NBEA: variants seen among roughly 807,000 people sequenced by gnomAD.
The protein encoded by NBEA is neurobeachin.
In NBEA, 44 loss-of-function variants were observed where a neutral mutation model predicts 343.4. The observed-to-expected ratio is 0.13, with a 90% CI of 0.10 to 0.16. NBEA has a LOEUF of 0.16. NBEA is among the 10% of genes least tolerant of loss of function. NBEA has a pLI of 1.00. For synonymous variants in NBEA, 1,175 were observed against 1,238.7 expected, an observed-to-expected ratio of 0.95 and a Z score of 1.08; for missense variants, 2,555 against 3,631.3, an observed-to-expected ratio of 0.70 and a Z score of 7.62.
At chr13:35,224,721 TC>T (rs1464892456) in intron 33 of NBEA, among the ~76,000 whole-genome samples, 21 of 152,200 alleles carry the variant, frequency 1.4e-4, no homozygotes. Context: ...ATTTTATAGT[TC>T]CAACATAGGG....
chr13:35,146,113 T>G (rs545010248), intron 18 of NBEA, among the ~76,000 whole-genome samples: 1 of 152,258 alleles, frequency 6.6e-6, no homozygotes, highest in African/African-American at 2.4e-5. Context: ...GAATCTTCTG[T>G]TTGTCTGATA....
chr13:34,950,008 G>A (rs1378771533), intron 1 of NBEA, among the ~76,000 whole-genome samples: 2 of 152,096 alleles, frequency 1.3e-5, no homozygotes, highest in Admixed American at 6.5e-5. Context: ...GATTTCTGAC[G>A]GTTTTGGCTG....
At chr13:35,604,506 C>T (rs548017916) in intron 47 of NBEA, among the ~76,000 whole-genome samples, 2 of 152,166 alleles carry the variant, frequency 1.3e-5, no homozygotes, top group East Asian at 3.9e-4. Context: ...TTGCCCTTCT[C>T]TCTTTCTCCT....
At chr13:35,118,721 A>C (rs1251389655) in intron 16 of NBEA, among the ~76,000 whole-genome samples, 2 of 152,216 alleles carry the variant, frequency 1.3e-5, no homozygotes, top group East Asian at 3.9e-4. Context: ...ACAAATTGTG[A>C]ATAGAGCATT....
At chr13:35,645,484 C>G (rs1036327785) in intron 49 of NBEA, among the ~76,000 whole-genome samples, 3 of 152,066 alleles carry the variant, frequency 2.0e-5, no homozygotes. Flanking sequence ...ACAGTCCAGA[C>G]AGTTTGAGGG....
At chr13:35,314,753 A>G (rs2152836024) in intron 36 of NBEA, among the ~76,000 whole-genome samples, 1 of 152,306 alleles carries the variant, frequency 6.6e-6, no homozygotes, top group South Asian at 2.1e-4. Context: ...AATAATATAT[A>G]TGATATTTAT....
At chr13:35,405,104 G>A (rs528238570) in intron 38 of NBEA, among the ~76,000 whole-genome samples, 1 of 152,202 alleles carries the variant, frequency 6.6e-6, no homozygotes, top group South Asian at 2.1e-4. Flanking sequence ...ATTAAAAATT[G>A]TTATGTTTGA....
intron 33 of NBEA, among the ~76,000 whole-genome samples, chr13:35,211,481 TA>T (rs2073767636): frequency 6.6e-6 from 1 of 152,156 alleles, no homozygotes; most frequent in Non-Finnish European, 1.5e-5. Context: ...GGTAACATGA[TA>T]AAATTGGGCA....
intron 10 of NBEA, among the ~76,000 whole-genome samples, chr13:35,089,592 T>C (rs2064966040): frequency 8.0e-6 from 1 of 124,254 alleles, no homozygotes; most frequent in Admixed American, 8.2e-5. Flanking sequence ...ATCATGCTGC[T>C]ATAAAGACAC....
chr13:35,588,543 C>T (rs1198250279), intron 46 of NBEA, among the ~76,000 whole-genome samples: 1 of 152,058 alleles, frequency 6.6e-6, no homozygotes, highest in Admixed American at 6.6e-5. Context: ...TAACTACATA[C>T]TTCATTACTT....
intron 34 of NBEA, among the ~76,000 whole-genome samples, chr13:35,281,661 A>T (rs1451881110): frequency 2.6e-5 from 4 of 152,072 alleles, no homozygotes; most frequent in Non-Finnish European, 5.9e-5. Flanking sequence ...ATTTTACATG[A>T]TATATTATTT....
intron 39 of NBEA, among the ~76,000 whole-genome samples, chr13:35,435,779 G>T (rs1328019455): frequency 1.3e-5 from 2 of 152,020 alleles, no homozygotes; most frequent in African/African-American, 2.4e-5. Context: ...GTAATATTAG[G>T]TATTAGTGGG....
intron 34 of NBEA, among the ~76,000 whole-genome samples, chr13:35,249,817 G>C (rs2031737303): frequency 6.6e-6 from 1 of 152,150 alleles, no homozygotes; most frequent in Admixed American, 6.5e-5. Context: ...TCAAGTCGTG[G>C]AAGCAACCCA....
intron 2 of NBEA, among the ~76,000 whole-genome samples, chr13:35,044,083 G>A (rs2062755787): frequency 1.3e-5 from 2 of 152,188 alleles, no homozygotes; most frequent in Admixed American, 1.3e-4. Context: ...GAGATTAAAT[G>A]TATAATTTTT....
chr13:35,662,680 T>C (rs140806695), intron 55 of NBEA, among the ~76,000 whole-genome samples: 179 of 152,262 alleles, frequency 1.2e-3, no homozygotes, highest in African/African-American at 4.1e-3. Context: ...AAAAATAAAA[T>C]ATTTTAAACT....
At chr13:35,480,814 TAGAG>T (rs1181409439) in intron 41 of NBEA, among the ~76,000 whole-genome samples, 5 of 152,070 alleles carry the variant, frequency 3.3e-5, no homozygotes, top group South Asian at 4.2e-4. Flanking sequence ...TAAAGTAAAA[TAGAG>T]AGAGTTTTTC....
At chr13:35,070,964 G>A in intron 10 of NBEA, 112 bp downstream of exon 10, 1 of 1,248,922 alleles carries the variant, frequency 8.0e-7, no homozygotes, top group South Asian at 3.0e-5. Context: ...TGCCCTTAAA[G>A]TGTAATAAAA....
intron 34 of NBEA, among the ~76,000 whole-genome samples, chr13:35,260,691 A>C (rs2033131378): frequency 6.6e-6 from 1 of 152,202 alleles, no homozygotes. Context: ...TGAGATGCAT[A>C]TGTAAAGGGC....
chr13:35,257,578 T>C (rs917111156), intron 34 of NBEA, among the ~76,000 whole-genome samples: 1 of 152,172 alleles, frequency 6.6e-6, no homozygotes, highest in Non-Finnish European at 1.5e-5. Context: ...TTATAATATA[T>C]ACAACATGAT....
Sources: gnomAD v4.1 joint callset for allele counts (sites outside exome capture counted in the v4.1 genomes callset) on GRCh38, gnomAD v4.1.1 for gene constraint, MANE v1.5 for transcripts, NCBI Gene and HGNC (gene_info 2026-07-23, HGNC 2026-07-21) for gene names.